SPTLC2: variants seen among roughly 807,000 people sequenced by gnomAD.
The protein encoded by SPTLC2 is serine palmitoyltransferase 2.
SPTLC2 carries 21 observed loss-of-function variants against 62.0 expected under a neutral mutation model. The observed-to-expected ratio is 0.34, with a 90% CI of 0.24 to 0.49. The LOEUF (loss-of-function observed/expected upper bound fraction) is 0.49. SPTLC2 is among the 20% of genes least tolerant of loss of function. The pLI is 0.99. For synonymous variants in SPTLC2, 261 were observed against 261.8 expected (o/e 1.00, Z 0.03); for missense variants, 511 against 713.0 (o/e 0.72, Z 3.23).
intron 6 of SPTLC2, among the ~76,000 whole-genome samples, chr14:77,558,586 G>A (rs1490029104): frequency 3.3e-5 from 5 of 151,444 alleles, no homozygotes; most frequent in African/African-American, 1.2e-4. Context: ...GTTCCCTACA[G>A]AAGTAAATTA....
chr14:77,579,954 G>A (rs1316239783), intron 2 of SPTLC2, among the ~76,000 whole-genome samples: 1 of 152,134 alleles, frequency 6.6e-6, no homozygotes, highest in African/African-American at 2.4e-5. Context: ...ATACAATTCT[G>A]TCATTAAATG....
chr14:77,583,561 C>T (rs1009398944), intron 2 of SPTLC2, among the ~76,000 whole-genome samples: 10 of 152,282 alleles, frequency 6.6e-5, no homozygotes, highest in Admixed American at 1.3e-4. Context: ...GACCCTCATT[C>T]CCCCATCTCC....
chr14:77,614,994 A>C (rs2079958612), intron 1 of SPTLC2, among the ~76,000 whole-genome samples: 1 of 148,744 alleles, frequency 6.7e-6, no homozygotes, highest in Non-Finnish European at 1.5e-5. Context: ...AAACAAAAAC[A>C]AAAAAAAAAT....
intron 1 of SPTLC2, among the ~76,000 whole-genome samples, chr14:77,598,920 G>GA (rs11301610): frequency 0.057 from 7,350 of 129,720 alleles, 193 homozygotes; most frequent in Middle Eastern, 0.13. Context: ...AGGTGATACA[G>GA]AAAAAAAAAA....
At chr14:77,584,409 G>A (rs1202880099) in intron 2 of SPTLC2, among the ~76,000 whole-genome samples, 7 of 152,262 alleles carry the variant, frequency 4.6e-5, no homozygotes, top group East Asian at 1.9e-4. Flanking sequence ...CATCTACTGA[G>A]TATTTATGAC....
chr14:77,555,341 T>C lies in SPTLC2; in HGVS notation c.1135A>G (p.Lys379Glu). Residue 379 changes from lysine (K) to glutamate (E), a missense_variant, in exon 8 of 12, where the codon AAG (lysine) becomes GAG (glutamate). By Grantham distance (56) the Lys-to-Glu change is moderately conservative. Coordinates refer to ENST00000216484, the MANE Select transcript of SPTLC2 (RefSeq NM_004863.4). ...TATCCTCCAGAAGCACCAAAACTCT[T>C]TGTGAACGTTCCCATCATAACATCC... ...DVDVMMGTFT[K>E]SFGASGGYIG... 6.2e-7 allele frequency: 1 copy of C among 1,614,118 alleles called. No homozygotes were observed. The highest frequency in any genetic ancestry group is 8.5e-7 in the Non-Finnish European group (1 of 1,180,024).
At chr14:77,572,068 G>A (rs1489226447) in intron 4 of SPTLC2, among the ~76,000 whole-genome samples, 4 of 152,206 alleles carry the variant, frequency 2.6e-5, no homozygotes, top group Admixed American at 6.5e-5. Context: ...GATTACAGGC[G>A]TGAGCCACCG....
chr14:77,554,152 GAAGCAAAATT>G (rs1465984852), intron 8 of SPTLC2, among the ~76,000 whole-genome samples: 3 of 152,130 alleles, frequency 2.0e-5, no homozygotes, highest in Non-Finnish European at 2.9e-5. Context: ...ATTGAGTGGT[GAAGCAAAATT>G]AAGAACATTT....
intron 3 of SPTLC2, among the ~76,000 whole-genome samples, chr14:77,577,638 G>A (rs1173492491): frequency 6.6e-6 from 1 of 152,154 alleles, no homozygotes; most frequent in Non-Finnish European, 1.5e-5. Flanking sequence ...GGTGGCTCAC[G>A]CCTGTAATCC....
In SPTLC2 at chr14:77,562,456, C is replaced by T. The variant is rs1235938820; in HGVS notation, c.790G>A (p.Ala264Thr). Residue 264 changes from alanine (A) to threonine (T), a missense_variant, in exon 6 of 12, where the codon GCA becomes ACA. Physicochemically the swap from Ala to Thr is moderately conservative, Grantham distance 58. Transcript: ENST00000216484. ...CLILSDELNH[A>T]SLVLGARLSG... ...AGTCTGGCTCCCAGAACCAGTGATGCATGATTCAGTTCATCACTCAGAATC... is the reference window on the plus strand; with the variant it reads ...AGTCTGGCTCCCAGAACCAGTGATGTATGATTCAGTTCATCACTCAGAATC... 1 of 1,613,978 alleles carries T rather than the reference C, an allele frequency of 6.2e-7. No homozygotes were observed. The highest frequency in any genetic ancestry group is 1.7e-5 in the Admixed American group (1 of 59,996).
chr14:77,555,707 C>G (rs1160507203), intron 7 of SPTLC2, among the ~76,000 whole-genome samples, 188 bp from the exon 8 acceptor site: 1 of 151,940 alleles, frequency 6.6e-6, no homozygotes, highest in South Asian at 2.1e-4. Context: ...TCCCTGACTC[C>G]TGGGTTCAAG....
intron 1 of SPTLC2, 119 bp from the exon 2 acceptor site, chr14:77,597,499 G>T: frequency 1.1e-6 from 1 of 949,120 alleles, no homozygotes; most frequent in South Asian, 1.4e-5. Flanking sequence ...GTTCCGCCGG[G>T]CGCACTGGCT....
intron 2 of SPTLC2, among the ~76,000 whole-genome samples, chr14:77,580,627 G>A (rs2079744667): frequency 6.6e-6 from 1 of 151,226 alleles, no homozygotes. Flanking sequence ...GGAAGCTAAG[G>A]TGGAAGGATC....
chr14:77,569,422 C>G (rs1446938440), intron 5 of SPTLC2, among the ~76,000 whole-genome samples: 1 of 152,116 alleles, frequency 6.6e-6, no homozygotes, highest in African/African-American at 2.4e-5. Context: ...CTGTACCTTA[C>G]AGACCCATAC....
intron 11 of SPTLC2, among the ~76,000 whole-genome samples, chr14:77,514,456 G>A (rs935623687): frequency 5.9e-5 from 9 of 152,120 alleles, no homozygotes; most frequent in Non-Finnish European, 1.5e-5. Flanking sequence ...GGGACAGGCA[G>A]CCATTACATG....
chr14:77,575,529 G>C (rs934215387), intron 4 of SPTLC2, among the ~76,000 whole-genome samples: 1 of 152,028 alleles, frequency 6.6e-6, no homozygotes, highest in Admixed American at 6.6e-5. Context: ...ACTTTCAACT[G>C]GGTATCCTTG....
At chr14:77,561,132 G>A (rs1216035573) in intron 6 of SPTLC2, among the ~76,000 whole-genome samples, 4 of 152,016 alleles carry the variant, frequency 2.6e-5, no homozygotes, top group African/African-American at 4.8e-5. Context: ...TTATCCTAAG[G>A]CACTAACCAG....
intron 2 of SPTLC2, among the ~76,000 whole-genome samples, chr14:77,589,404 C>A (rs2079802526): frequency 6.6e-6 from 1 of 152,048 alleles, no homozygotes. Context: ...ACGTACACAC[C>A]TACCTCGACT....
rs987323259 is a variant in SPTLC2, at chr14:77,508,576, GTCA to G, written c.*3705_*3707del. On this transcript the variant is annotated 3_prime_UTR_variant, in exon 12 of 12. Coordinates refer to ENST00000216484, the MANE Select transcript of SPTLC2 (RefSeq NM_004863.4). The stretch of plus-strand genomic sequence containing the variant: ...GAAAAACATAAAAGTAGTGGTAAAT[GTCA>G]TCACTTTTTTCCTCCCTGAGAAATC... 19 of 152,196 alleles carry G rather than the reference GTCA, an allele frequency of 1.2e-4. No homozygotes were observed. The highest frequency in any genetic ancestry group is 4.6e-4 in the African/African-American group (19 of 41,446). The allele number at this position is 152,196 out of a possible 1,614,324, so 9.4% of individuals were successfully genotyped here. A position where few individuals can be genotyped will look rare whatever the true frequency, so the allele number is the denominator to read the frequency against.
Sources: gnomAD v4.1 joint callset for allele counts (sites outside exome capture counted in the v4.1 genomes callset) on GRCh38, gnomAD v4.1.1 for gene constraint, MANE v1.5 for transcripts, NCBI Gene and HGNC (gene_info 2026-07-23, HGNC 2026-07-21) for gene names.